SUGCT: variants seen among roughly 807,000 people sequenced by gnomAD.
SUGCT encodes the protein succinyl-CoA:glutarate-CoA transferase, also known as succinyl-CoA:glutarate CoA-transferase.
In SUGCT, 41 loss-of-function variants were observed where a neutral mutation model predicts 55.0. That is an observed-to-expected ratio of 0.74 (90% confidence interval 0.58 to 0.97). The LOEUF is 0.97. SUGCT is among the 50% of genes least tolerant of loss of function. SUGCT has a pLI of 0.00. For synonymous variants in SUGCT, 187 were observed against 200.4 expected (o/e 0.93, Z 0.56); for missense variants, 568 against 547.8 (o/e 1.04, Z -0.37).
the SUGCT span, among the ~76,000 whole-genome samples, chr7:40,948,701 C>T: frequency 3.2e-4 from 48 of 151,862 alleles, no homozygotes; most frequent in Non-Finnish European, 4.9e-4. Context: ...GAGAACATGC[C>T]GTGTTTGGTT....
chr7:40,801,442 C>G (rs36071796), intron 13 of SUGCT, among the ~76,000 whole-genome samples: 1 of 152,116 alleles, frequency 6.6e-6, no homozygotes, highest in Non-Finnish European at 1.5e-5. Context: ...AAATGTTACC[C>G]TAACATCTTG....
chr7:40,909,752 T>C, the SUGCT span, among the ~76,000 whole-genome samples: 2 of 152,202 alleles, frequency 1.3e-5, no homozygotes, highest in Admixed American at 1.3e-4. Flanking sequence ...ACAGACCGGC[T>C]CCAAGGTTAT....
Position 40,188,537 on chromosome 7 carries a change from G to C in SUGCT, c.269G>C (p.Gly90Ala). ...CGAACTTGGGGGCCACCTTTTGTTG[G>C]GACAGAAAGTACATATTATCTCAGT... ...DTRTWGPPFV[G>A]TESTYYLSVN... The change falls in exon 4 of 14, where the codon GGG becomes GCG. Residue 90 changes from glycine (G) to alanine (A), a missense_variant. Physicochemically the swap from Gly to Ala is moderately conservative, Grantham distance 60. Coordinates refer to ENST00000335693, the MANE Select transcript of SUGCT (RefSeq NM_001193313.2). The C allele has an allele frequency of 6.2e-7, 1 of 1,609,192 alleles. No individual in the cohort carries two copies.
chr7:40,891,898 C>T, the SUGCT span, among the ~76,000 whole-genome samples: 3,599 of 152,026 alleles, frequency 0.024, 149 homozygotes, highest in African/African-American at 0.082. Context: ...ATCCCAGCTA[C>T]TCGGGAGGCT....
At chr7:40,800,104 T>A (rs755785481) in intron 13 of SUGCT, among the ~76,000 whole-genome samples, 2 of 152,148 alleles carry the variant, frequency 1.3e-5, no homozygotes, top group African/African-American at 2.4e-5. Flanking sequence ...TAAAGATTTA[T>A]TCTTGCCTAC....
Position 40,648,858 on chromosome 7 carries a change from C to A in SUGCT, c.1090-100576C>A, listed in dbSNP as rs115252295. 4.7e-3 allele frequency among the ~76,000 whole-genome samples: 709 copies of A among 152,242 alleles called. 7 individuals carry two copies. The highest frequency in any genetic ancestry group is 0.014 in the African/African-American group (579 of 41,542). The stretch of plus-strand genomic sequence containing the variant: ...CAGAGGGAGCACGGGCCTCCCAGCA[C>A]CTTGATTTTGGACTTCTAGAACTGT... On this transcript the variant is annotated intron_variant, in intron 12 of 13. Transcript: ENST00000335693.
intron 7 of SUGCT, 118 bp from the exon 8 acceptor site, chr7:40,274,393 ATG>A (rs1297611669): frequency 2.1e-6 from 2 of 964,200 alleles, no homozygotes; most frequent in Non-Finnish European, 3.0e-6. Flanking sequence ...TCTTGTGTGT[ATG>A]TGTCTGCACA....
At chr7:41,019,180 A>G in the SUGCT span, among the ~76,000 whole-genome samples, 17 of 152,330 alleles carry the variant, frequency 1.1e-4, no homozygotes, top group Middle Eastern at 3.4e-3. Flanking sequence ...TGCTGGGATT[A>G]CAGCCAACAT....
the SUGCT span, among the ~76,000 whole-genome samples, chr7:40,920,104 G>T: frequency 6.6e-6 from 1 of 151,730 alleles, no homozygotes; most frequent in Non-Finnish European, 1.5e-5. Context: ...TTGGTTAAAG[G>T]CCCCTCTGAG....
chr7:40,443,847 T>A (rs190426950), intron 9 of SUGCT, among the ~76,000 whole-genome samples: 394 of 152,346 alleles, frequency 2.6e-3, no homozygotes, highest in Middle Eastern at 0.017. Flanking sequence ...AGGGTTTTTA[T>A]GGTTTTAGGT....
chr7:40,898,179 T>C, the SUGCT span, among the ~76,000 whole-genome samples: 1 of 152,106 alleles, frequency 6.6e-6, no homozygotes, highest in Non-Finnish European at 1.5e-5. Context: ...TCGGGAGGAC[T>C]GAACAACTCT....
chr7:40,655,262 C>T (rs1800962116), intron 12 of SUGCT, among the ~76,000 whole-genome samples: 2 of 151,860 alleles, frequency 1.3e-5, no homozygotes, highest in African/African-American at 2.4e-5. Context: ...CCAATGTACT[C>T]TAGCTTGGAT....
intron 9 of SUGCT, among the ~76,000 whole-genome samples, chr7:40,396,435 A>G (rs1169582797): frequency 1.3e-5 from 2 of 152,196 alleles, no homozygotes; most frequent in East Asian, 1.9e-4. Context: ...AAGACTGTGC[A>G]TTTGTAGGCT....
chr7:40,822,353 T>G (rs1214965914), intron 13 of SUGCT, among the ~76,000 whole-genome samples: 1 of 152,164 alleles, frequency 6.6e-6, no homozygotes, highest in Admixed American at 6.5e-5. Flanking sequence ...TGTCTAATAT[T>G]GACAGTGGGG....
Position 40,827,855 on chromosome 7 carries a change from A to G in SUGCT, c.1154-32461A>G, listed in dbSNP as rs529141291. 2.6e-5 allele frequency among the ~76,000 whole-genome samples: 4 copies of G among 152,274 alleles called. No individual in the cohort carries two copies. In the South Asian group the frequency reaches 8.3e-4, roughly 32 times the overall value. On this transcript the variant is annotated intron_variant, in intron 13 of 13. Coordinates refer to ENST00000335693, the MANE Select transcript of SUGCT (RefSeq NM_001193313.2). ...CACACCATGGAAACCATCCAGCCAC[A>G]GAGAGGCCAGCGTGTCTCTTGGTGG... is the stretch of plus-strand genomic sequence containing the variant.
At chr7:40,231,927 A>G (rs927781448) in intron 6 of SUGCT, among the ~76,000 whole-genome samples, 2 of 152,142 alleles carry the variant, frequency 1.3e-5, no homozygotes, top group Non-Finnish European at 2.9e-5. Flanking sequence ...AAGCAACACC[A>G]CATCTCTACA....
intron 12 of SUGCT, among the ~76,000 whole-genome samples, chr7:40,629,441 CT>C (rs1799682643): frequency 6.6e-6 from 1 of 152,132 alleles, no homozygotes; most frequent in African/African-American, 2.4e-5. Context: ...CTGAGTTTGC[CT>C]CACAGACAAG....
chr7:40,761,495 A>T (rs978233387), intron 13 of SUGCT, among the ~76,000 whole-genome samples: 2 of 152,224 alleles, frequency 1.3e-5, no homozygotes, highest in Non-Finnish European at 2.9e-5. Flanking sequence ...AAATAGTAAT[A>T]GTTGTCCCAC....
chr7:40,174,596 C>T (rs1005405449), intron 1 of SUGCT, among the ~76,000 whole-genome samples: 4 of 152,138 alleles, frequency 2.6e-5, no homozygotes, highest in Non-Finnish European at 4.4e-5. Flanking sequence ...TATGTATGTT[C>T]CTGCCACTGC....
Sources: gnomAD v4.1 joint callset for allele counts (sites outside exome capture counted in the v4.1 genomes callset) on GRCh38, gnomAD v4.1.1 for gene constraint, MANE v1.5 for transcripts, NCBI Gene and HGNC (gene_info 2026-07-23, HGNC 2026-07-21) for gene names.